MGAT5: variants seen among roughly 807,000 people sequenced by gnomAD.
MGAT5 encodes the protein alpha-1,6-mannosylglycoprotein 6-beta-N-acetylglucosaminyltransferase.
MGAT5 carries 30 observed loss-of-function variants against 94.3 expected under a neutral mutation model. The ratio of observed to expected loss-of-function variants is 0.32; its 90% confidence interval spans 0.24 to 0.43. MGAT5 has a LOEUF of 0.43. Ranked by LOEUF, MGAT5 falls within the 20% of genes least tolerant of loss-of-function variation. The pLI is 1.00. For synonymous variants in MGAT5, 310 were observed against 322.9 expected, an observed-to-expected ratio of 0.96 and a Z score of 0.43; for missense variants, 691 against 905.5, an observed-to-expected ratio of 0.76 and a Z score of 3.04.
intron 1 of MGAT5, among the ~76,000 whole-genome samples, chr2:134,181,552 T>C (rs1420473368): frequency 6.6e-6 from 1 of 152,216 alleles, no homozygotes; most frequent in East Asian, 1.9e-4. Flanking sequence ...GTCTGTTTTT[T>C]TCTTTTCTTT....
chr2:134,331,299 T>A (rs1687954145), intron 4 of MGAT5, among the ~76,000 whole-genome samples: 1 of 152,170 alleles, frequency 6.6e-6, no homozygotes. Flanking sequence ...CCATGGAATG[T>A]GCATTGATGT....
chr2:134,278,496 G>A (rs1460326252), intron 2 of MGAT5, among the ~76,000 whole-genome samples: 1 of 152,146 alleles, frequency 6.6e-6, no homozygotes, highest in Non-Finnish European at 1.5e-5. Flanking sequence ...GCTAGGCCTG[G>A]GTCACATGGG....
chr2:134,236,947 T>C lies in MGAT5; in HGVS notation c.-142-17315T>C, dbSNP rs563621420. ...GTTGGCCTCTTATCACCCTTTTATA[T>C]AGTTTTCATCCTGTGGAAGATACTC... On this transcript the variant is annotated intron_variant, in intron 1 of 16. Transcript: ENST00000409645. Among the ~76,000 whole-genome samples, 20 of 152,336 alleles carry C rather than the reference T, an allele frequency of 1.3e-4. No homozygotes were observed. In the South Asian group the frequency reaches 2.9e-3, roughly 22 times the overall value.
intron 10 of MGAT5, among the ~76,000 whole-genome samples, chr2:134,397,760 C>T (rs978846485): frequency 2.0e-5 from 3 of 152,136 alleles, no homozygotes; most frequent in Non-Finnish European, 2.9e-5. Context: ...GTTGAGACAA[C>T]GAGCCCAGCC....
intron 4 of MGAT5, among the ~76,000 whole-genome samples, chr2:134,331,163 A>G (rs1244237130): frequency 1.3e-5 from 2 of 152,156 alleles, no homozygotes; most frequent in Non-Finnish European, 2.9e-5. Context: ...CACAATGTTC[A>G]TGTTTAAGCT....
Position 134,381,536 on chromosome 2 carries a change from C to CAGACAGATAGATAGGT in MGAT5, c.1380+19131_1380+19132insCAGATAGATAGGTAGA, listed in dbSNP as rs59821586. On this transcript the variant is annotated intron_variant, in intron 10 of 15. Coordinates refer to ENST00000281923, the MANE Select transcript of MGAT5 (RefSeq NM_002410.5). ...CCAGACAGACAGACAGACAGACAGA[C>CAGACAGATAGATAGGT]AGATAGATAGATAGATAGATAGCAC... is the stretch of plus-strand genomic sequence containing the variant. Among the ~76,000 whole-genome samples, 3 of 146,844 alleles carry CAGACAGATAGATAGGT rather than the reference C, an allele frequency of 2.0e-5. 1 individual carries two copies. The highest frequency in any genetic ancestry group is 1.4e-4 in the Admixed American group (2 of 14,556).
intron 10 of MGAT5, among the ~76,000 whole-genome samples, chr2:134,398,435 C>G (rs1682836600): frequency 6.6e-6 from 1 of 152,170 alleles, no homozygotes; most frequent in South Asian, 2.1e-4. Flanking sequence ...TTGGGCTGAG[C>G]TGCAGAATTT....
In MGAT5 at chr2:134,392,986, G is replaced by A. The variant is rs1205401632; in HGVS notation, c.1381-10002G>A. On this transcript the variant is annotated intron_variant, in intron 10 of 15. Transcript: ENST00000281923. ...TGTCCCCAATCTCAGCCATAACTAA[G>A]TGCTGGGTAGAGCTCTTTCAGATGC... Among the ~76,000 whole-genome samples the A allele has an allele frequency of 2.0e-4, 31 of 152,068 alleles. 1 individual carries two copies. The highest frequency in any genetic ancestry group is 4.6e-4 in the Non-Finnish European group (31 of 68,044).
At chr2:134,400,194 A>G (rs1682953943) in intron 10 of MGAT5, among the ~76,000 whole-genome samples, 1 of 152,186 alleles carries the variant, frequency 6.6e-6, no homozygotes, top group Non-Finnish European at 1.5e-5. Flanking sequence ...GTTTGGTATG[A>G]GAGGCTTCTG....
intron 5 of MGAT5, among the ~76,000 whole-genome samples, chr2:134,337,411 G>A (rs1217461703): frequency 6.6e-6 from 1 of 152,210 alleles, no homozygotes; most frequent in African/African-American, 2.4e-5. Context: ...GCAAGTTCAA[G>A]GCTCCAGTGA....
chr2:134,315,737 C>G (rs948026301), intron 2 of MGAT5, among the ~76,000 whole-genome samples: 2 of 152,178 alleles, frequency 1.3e-5, no homozygotes, highest in Non-Finnish European at 2.9e-5. Context: ...GGAGTCATTC[C>G]CATTTTACAG....
chr2:134,237,127 G>GTATGTGTA (rs796916298), intron 1 of MGAT5, among the ~76,000 whole-genome samples: 1 of 140,098 alleles, frequency 7.1e-6, no homozygotes, highest in Admixed American at 6.9e-5. Context: ...GAGTATATGT[G>GTATGTGTA]TGTGTGTGTG....
chr2:134,401,645 CTA>C (rs1297544346), intron 10 of MGAT5, among the ~76,000 whole-genome samples: 1 of 152,224 alleles, frequency 6.6e-6, no homozygotes, highest in Non-Finnish European at 1.5e-5. Flanking sequence ...TAATTTAAAA[CTA>C]TACATTTCTA....
At chr2:134,345,273 A>G (rs969285388) in intron 8 of MGAT5, among the ~76,000 whole-genome samples, 2 of 152,078 alleles carry the variant, frequency 1.3e-5, no homozygotes, top group Admixed American at 1.3e-4. Flanking sequence ...ACAAGTGTCA[A>G]CCTCCTTTCT....
At chr2:134,292,346 G>T (rs932266901) in intron 2 of MGAT5, among the ~76,000 whole-genome samples, 1 of 152,058 alleles carries the variant, frequency 6.6e-6, no homozygotes, top group African/African-American at 2.4e-5. Flanking sequence ...TTTAATCCTC[G>T]CAAGTCTCTC....
At chr2:134,361,871 G>A (rs1366718437) in intron 9 of MGAT5, among the ~76,000 whole-genome samples, 2 of 152,148 alleles carry the variant, frequency 1.3e-5, no homozygotes, top group African/African-American at 2.4e-5. Flanking sequence ...GGGACTCTGC[G>A]CCTATTCAGA....
At chr2:134,445,203 G>A (rs746950323) in intron 15 of MGAT5, among the ~76,000 whole-genome samples, 4 of 152,154 alleles carry the variant, frequency 2.6e-5, no homozygotes, top group Non-Finnish European at 2.9e-5. Context: ...GCTCAGCCCC[G>A]CACCATGTTG....
chr2:134,206,180 G>T (rs1388902044), intron 1 of MGAT5, among the ~76,000 whole-genome samples: 2 of 152,140 alleles, frequency 1.3e-5, no homozygotes, highest in East Asian at 3.9e-4. Flanking sequence ...CCTAAGCTTT[G>T]CTTTGAATTA....
intron 4 of MGAT5, among the ~76,000 whole-genome samples, chr2:134,322,910 C>A (rs1687417884): frequency 6.6e-6 from 1 of 152,100 alleles, no homozygotes; most frequent in African/African-American, 2.4e-5. Flanking sequence ...TTGAAAGAGC[C>A]AGTTCTTGTT....
Sources: allele counts gnomAD v4.1 joint callset (sites outside exome capture counted in the v4.1 genomes callset), GRCh38; gene constraint gnomAD v4.1.1; transcripts MANE v1.5; gene names NCBI Gene and HGNC (gene_info 2026-07-23, HGNC 2026-07-21).